KTN1: variants seen among roughly 807,000 people sequenced by gnomAD.
KTN1 encodes kinectin 1.
In KTN1, 130 loss-of-function variants were observed where a neutral mutation model predicts 222.5. That is an observed-to-expected ratio of 0.58 (90% confidence interval 0.51 to 0.68). The LOEUF (loss-of-function observed/expected upper bound fraction) is 0.68, where lower values mean the gene tolerates loss of function less well. KTN1 is among the 30% of genes least tolerant of loss of function. The pLI, the probability that KTN1 is intolerant of heterozygous loss-of-function variation, is 0.00. For synonymous variants in KTN1, 512 were observed against 496.3 expected (o/e 1.03, Z -0.42); for missense variants, 1,508 against 1,500.4 (o/e 1.01, Z -0.08).
At position 55,634,582 on chromosome 14, in the gene KTN1, T is replaced by G. The variant is rs762273111; in HGVS notation, c.1385T>G (p.Leu462Arg). The G allele has an allele frequency of 4.3e-6, 7 of 1,613,902 alleles. No homozygotes were observed. In the Admixed American group the frequency reaches 1.2e-4, roughly 27 times the overall value. Reference sequence around the variant, plus strand: ...GATTATGCTAGGTTGGTGAATGAGCTGACTGAGAAAACAGGAAAGCTACAG... The same window carrying G: ...GATTATGCTAGGTTGGTGAATGAGCGGACTGAGAAAACAGGAAAGCTACAG... ...RQDYARLVNELTEKTGKLQQE... is the reference protein window; with the variant it reads ...RQDYARLVNERTEKTGKLQQE... Residue 462 changes from leucine (L) to arginine (R), a missense_variant, in exon 9 of 44, where the codon CTG becomes CGG. Physicochemically the swap from Leu to Arg is moderately radical, Grantham distance 102. Transcript: ENST00000395314.
chr14:55,610,524 G>A (rs1049811656), intron 1 of KTN1, among the ~76,000 whole-genome samples: 1 of 152,056 alleles, frequency 6.6e-6, no homozygotes. Flanking sequence ...GTAGAATTTG[G>A]TTTCTTTATC....
At chr14:55,644,337 G>T in intron 18 of KTN1, 1 of 700,768 alleles carries the variant, frequency 1.4e-6, no homozygotes, top group Non-Finnish European at 2.6e-6. Context: ...TTACCCCATG[G>T]ATTTTTATTC....
intron 33 of KTN1, among the ~76,000 whole-genome samples, chr14:55,666,518 G>A (rs1369622041): frequency 2.0e-5 from 3 of 151,618 alleles, no homozygotes; most frequent in African/African-American, 7.3e-5. Context: ...ATGGTTTTGA[G>A]TTTATAATTG....
chr14:55,639,422 T>G (rs2041530400), intron 13 of KTN1, among the ~76,000 whole-genome samples, 200 bp downstream of exon 13: 1 of 151,494 alleles, frequency 6.6e-6, no homozygotes, highest in Admixed American at 6.6e-5. Context: ...CATTATATAT[T>G]CTGCTTTTAT....
chr14:55,668,339 T>C (rs564296752), intron 34 of KTN1: 1 of 152,148 alleles, frequency 6.6e-6, no homozygotes, highest in Admixed American at 6.6e-5. Context: ...CCCGACTCTT[T>C]CTCAGCAACA....
intron 1 of KTN1, among the ~76,000 whole-genome samples, chr14:55,589,685 G>C (rs943604271): frequency 3.8e-5 from 5 of 131,346 alleles, no homozygotes; most frequent in African/African-American, 1.4e-4. Context: ...TTGAGATGGA[G>C]TGTCTCTCTG....
At chr14:55,610,586 A>T (rs1340068865) in intron 1 of KTN1, among the ~76,000 whole-genome samples, 1 of 152,258 alleles carries the variant, frequency 6.6e-6, no homozygotes, top group African/African-American at 2.4e-5. Flanking sequence ...AACTTAAAAA[A>T]TTCTCAGATT....
At chr14:55,681,833 G>T (rs944634729) in intron 43 of KTN1, 5 of 151,986 alleles carry the variant, frequency 3.3e-5, no homozygotes, top group Non-Finnish European at 2.9e-5. Context: ...CTTATGTTTT[G>T]GTTCCCGTAG....
At chr14:55,641,656 C>A (rs1282009914) in intron 17 of KTN1, 36 bp from the exon 18 acceptor site, 1 of 1,297,582 alleles carries the variant, frequency 7.7e-7, no homozygotes, top group Admixed American at 1.8e-5. Flanking sequence ...TACCTTTTTT[C>A]TTAATAAAAC....
At chr14:55,673,398 G>A (rs1416352254) in intron 40 of KTN1, 143 bp downstream of exon 40, 4 of 506,088 alleles carry the variant, frequency 7.9e-6, no homozygotes, top group African/African-American at 2.0e-5. Context: ...TTCATATTCC[G>A]ATGATTCCTA....
At chr14:55,598,941 C>G (rs369185752) in intron 1 of KTN1, among the ~76,000 whole-genome samples, 2 of 152,070 alleles carry the variant, frequency 1.3e-5, no homozygotes, top group East Asian at 1.9e-4. Context: ...CCTTGAATTC[C>G]CATTGGATTT....
At chr14:55,620,545 C>T (rs1019975638) in intron 5 of KTN1, among the ~76,000 whole-genome samples, 1 of 152,192 alleles carries the variant, frequency 6.6e-6, no homozygotes, top group African/African-American at 2.4e-5. Flanking sequence ...TCCCAAAACT[C>T]AAATCTTGAC....
chr14:55,636,527 G>A lies in KTN1; in HGVS notation c.1540G>A (p.Ala514Thr). Residue 514 changes from alanine to threonine, a missense_variant, in exon 10 of 44, where the codon GCA becomes ACA. Physicochemically the swap from Ala to Thr is moderately conservative, Grantham distance 58. Coordinates refer to ENST00000395314, the MANE Select transcript of KTN1 (RefSeq NM_001079521.2). The stretch of plus-strand genomic sequence containing the variant: ...GAAGAGAACAGCGGAACATGAGGCA[G>A]CACAGCAAGGTAAGGGGAAGAAGTA... ...IRKRTAEHEA[A>T]QQDLQSKFVA... 2 of 1,607,174 alleles carry A rather than the reference G, an allele frequency of 1.2e-6. No homozygotes were observed.
chr14:55,617,270 G>A (rs1018429251), intron 3 of KTN1, among the ~76,000 whole-genome samples: 14 of 152,134 alleles, frequency 9.2e-5, no homozygotes, highest in African/African-American at 2.7e-4. Context: ...ACATATATAA[G>A]TAAAGAAGCT....
chr14:55,582,071 A>T (rs910351246), intron 1 of KTN1, among the ~76,000 whole-genome samples: 2 of 152,176 alleles, frequency 1.3e-5, no homozygotes, highest in Non-Finnish European at 2.9e-5. Flanking sequence ...AAGGTGTTCT[A>T]CTTGATTTAC....
intron 1 of KTN1, among the ~76,000 whole-genome samples, chr14:55,596,154 C>CAAAAAAAAAAAAAAAAAAAAAAAAAAATA (rs71448460): frequency 1.6e-5 from 1 of 61,132 alleles, no homozygotes; most frequent in Non-Finnish European, 3.0e-5. Context: ...GACTCAATAG[C>CAAAAAAAAAAAAAAAAAAAAAAAAAAATA]AAAAAAAAAA....
chr14:55,637,899 A>C (rs759371679), intron 12 of KTN1, 52 bp downstream of exon 12: 1 of 1,369,934 alleles, frequency 7.3e-7, no homozygotes, highest in Admixed American at 1.8e-5. Context: ...CCATTTAAAC[A>C]CTCACCTGAA....
chr14:55,617,173 T>G (rs2038508296), intron 3 of KTN1, among the ~76,000 whole-genome samples: 1 of 152,172 alleles, frequency 6.6e-6, no homozygotes, highest in Non-Finnish European at 1.5e-5. Context: ...AACTTAAAAT[T>G]ATGACATATC....
At chr14:55,628,730 T>G (rs927429057) in intron 6 of KTN1, among the ~76,000 whole-genome samples, 1 of 152,116 alleles carries the variant, frequency 6.6e-6, no homozygotes, top group Non-Finnish European at 1.5e-5. Context: ...ATAAAAAAAG[T>G]CAATGGAAAA....
Sources: gnomAD v4.1 joint callset for allele counts (sites outside exome capture counted in the v4.1 genomes callset) on GRCh38, gnomAD v4.1.1 for gene constraint, MANE v1.5 for transcripts, NCBI Gene and HGNC (gene_info 2026-07-23, HGNC 2026-07-21) for gene names.